The following NMNAT3 variants were observed in gnomAD, a reference collection of about 807,000 sequenced individuals.
NMNAT3 encodes nicotinamide nucleotide adenylyltransferase 3, also known as nicotinamide/nicotinic acid mononucleotide adenylyltransferase 3.
A neutral mutation model predicts 24.8 loss-of-function variants in NMNAT3; 21 were observed. That is an observed-to-expected ratio of 0.85 (90% confidence interval 0.60 to 1.22). The LOEUF is 1.22. Among genes scored for constraint, NMNAT3 ranks in the 50% most tolerant of loss-of-function variants. NMNAT3 has a pLI of 0.00. For missense variants in NMNAT3, 387 were observed against 436.6 expected (o/e 0.89, Z 1.01); for synonymous variants, 136 against 155.2 (o/e 0.88, Z 0.92).
rs537906001 is a variant in NMNAT3 at position 139,578,583 on chromosome 3, C to T, written c.575+289G>A. Among the ~76,000 whole-genome samples the T allele has an allele frequency of 1.1e-4, 16 of 152,306 alleles. No homozygotes were observed. The East Asian group carries it at 3.1e-3, about 29-fold the overall frequency. ...TCACTTGCTCAAAGTCACACAGCTA[C>T]TAAGTGGTGGCACTAGACCCCAGTG... On this transcript the variant is annotated intron_variant, in intron 5 of 6. Transcript: ENST00000643695.
At chr3:139,663,031 C>A (rs1013643337) in intron 1 of NMNAT3, among the ~76,000 whole-genome samples, 1 of 152,216 alleles carries the variant, frequency 6.6e-6, no homozygotes, top group Non-Finnish European at 1.5e-5. Context: ...TTTAAAACAA[C>A]ACACATTTAT....
intron 5 of NMNAT3, chr3:139,575,829 G>A: frequency 8.3e-7 from 1 of 1,205,464 alleles, no homozygotes; most frequent in Non-Finnish European, 1.1e-6. Flanking sequence ...AGATTGGAGG[G>A]CAACTGTGGG....
chr3:139,561,096 T>C lies in NMNAT3; in HGVS notation c.955A>G (p.Thr319Ala). Reference sequence around the variant, plus strand: ...TAGAGGCCATGGTCCTTGATGTACGTGATGACAGCATCGGGAATCAGGTAC... The same window carrying C: ...TAGAGGCCATGGTCCTTGATGTACGCGATGACAGCATCGGGAATCAGGTAC... The change falls in exon 7 of 7, where the codon ACG becomes GCG. Residue 319 changes from threonine (T) to alanine (A), a missense_variant. Around this residue, in one of 3 missense-constraint regions of NMNAT3, gnomAD observed 323 missense variants for 345.2 expected, o/e 0.94. Coordinates refer to ENST00000643695, the MANE Select transcript of NMNAT3 (RefSeq NM_001320510.2). 1 of 1,614,108 alleles carries C rather than the reference T, an allele frequency of 6.2e-7. No homozygotes were observed. Among genetic ancestry groups the C allele is most frequent in the Non-Finnish European group, 8.5e-7 (1 of 1,180,030 alleles).
intron 6 of NMNAT3, chr3:139,569,305 G>A (rs1402560081): frequency 1.3e-5 from 2 of 152,128 alleles, no homozygotes; most frequent in Non-Finnish European, 2.9e-5. Flanking sequence ...CAATTTACCA[G>A]TCTGTGTCTT....
At chr3:139,591,658 A>G (rs1442171565) in intron 3 of NMNAT3, among the ~76,000 whole-genome samples, 1 of 152,066 alleles carries the variant, frequency 6.6e-6, no homozygotes, top group African/African-American at 2.4e-5. Flanking sequence ...TGGGTCCCTG[A>G]CCCCTGACCC....
rs12629298 is a variant in NMNAT3 at position 139,646,969 on chromosome 3, A to G, written c.-140-8907T>C. Among the ~76,000 whole-genome samples, 225 of 152,328 alleles carry G rather than the reference A, an allele frequency of 1.5e-3. No individual in the cohort carries two copies. The East Asian group carries it at 0.026, about 18-fold the overall frequency. On this transcript the variant is annotated intron_variant, in intron 1 of 6. Transcript: ENST00000643695. The stretch of plus-strand genomic sequence containing the variant: ...TATGCCCTTAATATTGCCTAGCACA[A>G]TTCTTTATTTTGAACAGGAGTGGAA...
chr3:139,567,926 C>T (rs922854297), intron 6 of NMNAT3: 1 of 152,202 alleles, frequency 6.6e-6, no homozygotes, highest in East Asian at 1.9e-4. Context: ...GTACCAGCTC[C>T]TCTTTGTACC....
intron 2 of NMNAT3, among the ~76,000 whole-genome samples, chr3:139,633,202 T>C (rs1292316708): frequency 1.3e-5 from 2 of 150,714 alleles, no homozygotes; most frequent in Admixed American, 6.6e-5. Flanking sequence ...TTTTTTGAGA[T>C]AGCGTTTTGC....
intron 1 of NMNAT3, among the ~76,000 whole-genome samples, chr3:139,640,603 G>A (rs1469805447): frequency 6.6e-6 from 1 of 152,192 alleles, no homozygotes; most frequent in East Asian, 1.9e-4. Flanking sequence ...GTGGAAACTT[G>A]GCCAGGCTCT....
chr3:139,563,278 C>G (rs1052885265), intron 6 of NMNAT3, among the ~76,000 whole-genome samples: 4 of 152,170 alleles, frequency 2.6e-5, no homozygotes, highest in African/African-American at 7.2e-5. Context: ...TCTTATCTAT[C>G]CAACCAGTGT....
intron 3 of NMNAT3, among the ~76,000 whole-genome samples, chr3:139,601,021 G>A (rs776659388): frequency 7.9e-5 from 12 of 152,200 alleles, no homozygotes; most frequent in Non-Finnish European, 1.2e-4. Flanking sequence ...CCTTCTCTTT[G>A]GGATCCTCAG....
chr3:139,604,501 A>G lies in NMNAT3; in HGVS notation c.110-21293T>C, dbSNP rs189023698. ...TACATATACTCTCTTTAATCCTTTT[A>G]ACTCCTGTATGAAAGGAGTGTGACT... On this transcript the variant is annotated intron_variant, in intron 3 of 6. Transcript: ENST00000643695. Among the ~76,000 whole-genome samples the G allele has an allele frequency of 5.9e-5, 9 of 152,320 alleles. No individual in the cohort carries two copies. In the East Asian group the frequency reaches 1.7e-3, roughly 29 times the overall value.
At chr3:139,622,392 G>A (rs1043175934) in intron 3 of NMNAT3, among the ~76,000 whole-genome samples, 2 of 151,896 alleles carry the variant, frequency 1.3e-5, no homozygotes, top group African/African-American at 2.4e-5. Context: ...TTTGGGAAGT[G>A]TTCTAAACAT....
At chr3:139,657,803 TG>T (rs2057293322) in intron 1 of NMNAT3, among the ~76,000 whole-genome samples, 1 of 149,824 alleles carries the variant, frequency 6.7e-6, no homozygotes, top group Admixed American at 6.6e-5. Context: ...GGTACATTGT[TG>T]GGGGTTTTGC....
At chr3:139,622,283 G>A (rs764926246) in intron 3 of NMNAT3, among the ~76,000 whole-genome samples, 7 of 151,840 alleles carry the variant, frequency 4.6e-5, no homozygotes, top group Non-Finnish European at 7.4e-5. Flanking sequence ...ATTCTGACCG[G>A]GTAAGATGAT....
intron 3 of NMNAT3, among the ~76,000 whole-genome samples, chr3:139,613,278 A>C (rs1487777694): frequency 2.0e-5 from 3 of 152,240 alleles, no homozygotes; most frequent in Non-Finnish European, 2.9e-5. Context: ...GAACTCAAAC[A>C]AATTTACAAG....
chr3:139,636,560 G>T (rs1315402358), intron 2 of NMNAT3: 1 of 152,164 alleles, frequency 6.6e-6, no homozygotes, highest in Admixed American at 6.5e-5. Context: ...GCAGTTTAAT[G>T]ATTTTCTGAT....
chr3:139,629,709 A>G (rs1434708969), intron 2 of NMNAT3, among the ~76,000 whole-genome samples: 9 of 152,168 alleles, frequency 5.9e-5, no homozygotes, highest in Admixed American at 5.9e-4. Flanking sequence ...CCAGGCTTTC[A>G]TCCAGTTTCC....
chr3:139,670,633 C>T (rs759317489), intron 1 of NMNAT3, among the ~76,000 whole-genome samples: 54 of 152,212 alleles, frequency 3.5e-4, no homozygotes, highest in Admixed American at 9.2e-4. Flanking sequence ...ACGGATATAA[C>T]GCCATCACAG....
Sources: gnomAD v4.1 joint callset for allele counts (sites outside exome capture counted in the v4.1 genomes callset) on GRCh38, gnomAD v4.1.1 for gene constraint, gnomAD v4.1.1 regional missense constraint, MANE v1.5 for transcripts, NCBI Gene and HGNC (gene_info 2026-07-23, HGNC 2026-07-21) for gene names.